MPP7: variants seen among roughly 807,000 people sequenced by gnomAD.
MPP7 encodes the protein MAGUK p55 subfamily member 7.
A neutral mutation model predicts 76.5 loss-of-function variants in MPP7; 60 were observed. That is an observed-to-expected ratio of 0.78 (90% CI 0.64 to 0.97). The LOEUF is 0.97. Ranked by LOEUF, MPP7 falls within the 50% of genes least tolerant of loss-of-function variation. The probability of loss-of-function intolerance (pLI) is 0.00; values close to 1 mark genes in which losing one functional copy is unlikely to be tolerated. For missense variants in MPP7, 641 were observed against 694.0 expected (o/e 0.92, Z 0.86); for synonymous variants, 237 against 244.5 (o/e 0.97, Z 0.29).
chr10:28,164,069 G>C (rs1418288508), intron 3 of MPP7, among the ~76,000 whole-genome samples: 1 of 152,158 alleles, frequency 6.6e-6, no homozygotes, highest in African/African-American at 2.4e-5. Flanking sequence ...TGGAGAAGTG[G>C]GACAGGCAGA....
chr10:28,138,485 T>G (rs1835415788), intron 5 of MPP7, among the ~76,000 whole-genome samples: 1 of 152,244 alleles, frequency 6.6e-6, no homozygotes, highest in Non-Finnish European at 1.5e-5. Flanking sequence ...ATACTGCATT[T>G]ATTTTCCTGA....
intron 2 of MPP7, among the ~76,000 whole-genome samples, chr10:28,323,136 A>G (rs564373112): frequency 2.1e-4 from 32 of 152,132 alleles, no homozygotes; most frequent in African/African-American, 7.0e-4. Flanking sequence ...AATACAAACA[A>G]TTAGCCGGGC....
chr10:28,056,954 C>T (rs1031524248), intron 15 of MPP7, among the ~76,000 whole-genome samples: 2 of 152,194 alleles, frequency 1.3e-5, no homozygotes, highest in African/African-American at 4.8e-5. Context: ...TGTCTTCCAA[C>T]CATCCCTTTT....
chr10:28,333,169 G>C (rs767320418), intron 1 of MPP7, among the ~76,000 whole-genome samples: 12 of 152,152 alleles, frequency 7.9e-5, no homozygotes, highest in Non-Finnish European at 1.5e-4. Context: ...TTAAGACAGA[G>C]AGTGTCACTC....
rs545550111 is a variant in MPP7, at chr10:28,132,781, G to C, written c.316-1090C>G. Among the ~76,000 whole-genome samples the C allele has an allele frequency of 2.4e-4, 37 of 152,170 alleles. No individual in the cohort carries two copies. The South Asian group carries it at 7.5e-3, about 31-fold the overall frequency. On this transcript the variant is annotated intron_variant, in intron 5 of 16. Coordinates refer to ENST00000683449, the MANE Select transcript of MPP7 (RefSeq NM_001318170.2). ...GCCTGGCTAGTTTTTTGTATTTTCA[G>C]TAGAGATGGGGTTTCACCATTTTGC...
chr10:28,060,009 C>T (rs529548333), intron 13 of MPP7, among the ~76,000 whole-genome samples: 17 of 151,780 alleles, frequency 1.1e-4, no homozygotes, highest in African/African-American at 4.1e-4. Context: ...GGCTCTCTAA[C>T]CTGATACAAG....
chr10:28,326,968 G>A (rs1485125824), intron 2 of MPP7, among the ~76,000 whole-genome samples: 2 of 152,164 alleles, frequency 1.3e-5, no homozygotes, highest in African/African-American at 4.8e-5. Flanking sequence ...GACAATGAAC[G>A]GTATCAATGA....
At chr10:28,123,212 AAG>A (rs1347245340) in intron 8 of MPP7, among the ~76,000 whole-genome samples, 3 of 152,208 alleles carry the variant, frequency 2.0e-5, no homozygotes, top group African/African-American at 7.2e-5. Context: ...TCACATATAA[AAG>A]AGAGTTTCCC....
intron 3 of MPP7, among the ~76,000 whole-genome samples, chr10:28,178,202 C>G (rs1005817297): frequency 6.6e-6 from 1 of 151,998 alleles, no homozygotes; most frequent in African/African-American, 2.4e-5. Flanking sequence ...CAGCAGTACC[C>G]CCTCCTCAAG....
intron 5 of MPP7, among the ~76,000 whole-genome samples, chr10:28,146,312 C>T (rs1189096603): frequency 6.6e-6 from 1 of 152,138 alleles, no homozygotes; most frequent in Non-Finnish European, 1.5e-5. Flanking sequence ...TAATCATAGC[C>T]TGTTTAGCTT....
intron 5 of MPP7, among the ~76,000 whole-genome samples, chr10:28,141,159 T>C (rs1173032003): frequency 6.6e-6 from 1 of 152,110 alleles, no homozygotes; most frequent in African/African-American, 2.4e-5. Context: ...CTTTGATAAG[T>C]ACCATAAAGT....
intron 2 of MPP7, among the ~76,000 whole-genome samples, chr10:28,323,931 C>G (rs1249347): frequency 0.26 from 39,282 of 151,702 alleles, 6,958 homozygotes; most frequent in African/African-American, 0.51. Context: ...GCACATTTTG[C>G]GTTCTAGGGA....
At chr10:28,174,731 A>G (rs1564677491) in intron 3 of MPP7, among the ~76,000 whole-genome samples, 1 of 152,230 alleles carries the variant, frequency 6.6e-6, no homozygotes, top group Non-Finnish European at 1.5e-5. Flanking sequence ...ATTCCTTAGT[A>G]TATACCCAAC....
intron 11 of MPP7, among the ~76,000 whole-genome samples, chr10:28,102,816 C>T (rs180798844): frequency 6.6e-6 from 1 of 152,320 alleles, no homozygotes; most frequent in African/African-American, 2.4e-5. Flanking sequence ...CCATCATCAT[C>T]TGCCTGAATG....
chr10:28,317,511 A>G (rs1834335024), intron 2 of MPP7, among the ~76,000 whole-genome samples: 2 of 152,230 alleles, frequency 1.3e-5, no homozygotes. Context: ...AGGCTGGATG[A>G]CATAACAAGA....
At chr10:28,230,355 A>T (rs1259909997) in intron 2 of MPP7, among the ~76,000 whole-genome samples, 1 of 152,196 alleles carries the variant, frequency 6.6e-6, no homozygotes, top group Non-Finnish European at 1.5e-5. Context: ...CTTCAATTAC[A>T]AGCAATTCAC....
chr10:28,197,381 C>T (rs1016333742), intron 3 of MPP7, among the ~76,000 whole-genome samples: 1 of 152,000 alleles, frequency 6.6e-6, no homozygotes. Flanking sequence ...CAGGGTTTCA[C>T]CATTTTGACC....
At chr10:28,137,435 T>C (rs577763484) in intron 5 of MPP7, among the ~76,000 whole-genome samples, 2 of 152,352 alleles carry the variant, frequency 1.3e-5, no homozygotes, top group African/African-American at 4.8e-5. Flanking sequence ...TGTGTATCTA[T>C]GGCATATCTT....
intron 3 of MPP7, among the ~76,000 whole-genome samples, chr10:28,182,042 T>C (rs1328528642): frequency 6.6e-6 from 1 of 152,180 alleles, no homozygotes; most frequent in Non-Finnish European, 1.5e-5. Flanking sequence ...GATGTATGTT[T>C]TAACACTTAT....
Sources: allele counts gnomAD v4.1 joint callset (sites outside exome capture counted in the v4.1 genomes callset), GRCh38; gene constraint gnomAD v4.1.1; transcripts MANE v1.5; gene names NCBI Gene and HGNC (gene_info 2026-07-23, HGNC 2026-07-21).